The following POGZ variants were observed in gnomAD, a reference collection of about 807,000 sequenced individuals.
POGZ encodes the protein pogo transposable element derived with ZNF domain, also known as pogo transposable element with ZNF domain.
A neutral mutation model predicts 134.6 loss-of-function variants in POGZ; 17 were observed. The ratio of observed to expected loss-of-function variants is 0.13; its 90% CI spans 0.09 to 0.19. The LOEUF is 0.19. Ranked by LOEUF, POGZ falls within the 10% of genes least tolerant of loss-of-function variation. POGZ has a pLI of 1.00. For missense variants in POGZ, 1,306 were observed against 1,769.7 expected (o/e 0.74, Z 4.70); for synonymous variants, 693 against 657.1 (o/e 1.05, Z -0.84).
chr1:151,415,323 A>C (rs962508043), intron 10 of POGZ, among the ~76,000 whole-genome samples: 3 of 152,150 alleles, frequency 2.0e-5, no homozygotes, highest in Non-Finnish European at 4.4e-5. Context: ...CTTTAATGAG[A>C]TGCTCAGGAA....
At position 151,404,049 on chromosome 1, in the gene POGZ, TTGG is replaced by T; in HGVS notation, c.*750_*752del. ...CAAAAAATATTGTTTATGTCATGTT[TTGG>T]AGGGAAGGTGGTGAGGAAAAGACAA... On this transcript the variant is annotated 3_prime_UTR_variant, in exon 19 of 19. Transcript: ENST00000271715. The T allele has an allele frequency of 1.0e-6, 1 of 985,464 alleles. No homozygotes were observed. The highest frequency in any genetic ancestry group is 1.2e-6 in the Non-Finnish European group (1 of 829,914). 61.0% of individuals were successfully genotyped at this position (985,464 alleles called of 1,614,324 possible).
chr1:151,419,806 G>A (rs1656574821), intron 10 of POGZ, among the ~76,000 whole-genome samples: 1 of 150,944 alleles, frequency 6.6e-6, no homozygotes, highest in African/African-American at 2.4e-5. Context: ...ATAAAATCTT[G>A]TCATAAGAGA....
In POGZ at chr1:151,408,358, A is replaced by C. The variant is rs759359322; in HGVS notation, c.2234+51T>G. The stretch of plus-strand genomic sequence containing the variant: ...CAGATTGCACTGTGTATCAGGAATA[A>C]TCCTGGCCACCCAGTCCCCACCCGC... On this transcript the variant is annotated intron_variant, in intron 14 of 18. Transcript: ENST00000271715. The C allele has an allele frequency of 1.2e-5, 18 of 1,560,106 alleles. No individual in the cohort carries two copies. The South Asian group carries it at 2.0e-4, about 18-fold the overall frequency.
intron 15 of POGZ, among the ~76,000 whole-genome samples, chr1:151,407,675 ACATATTAGAAG>A (rs1398322774): frequency 6.6e-6 from 1 of 152,204 alleles, no homozygotes; most frequent in Non-Finnish European, 1.5e-5. Flanking sequence ...GAAGGAGGAA[ACATATTAGAAG>A]CAGGGGAGAA....
intron 1 of POGZ, among the ~76,000 whole-genome samples, chr1:151,449,564 A>G (rs189813925): frequency 3.3e-5 from 5 of 152,306 alleles, no homozygotes. Context: ...ATCATCCCAC[A>G]TTCTATACAT....
chr1:151,456,283 A>C (rs906109226), intron 1 of POGZ, among the ~76,000 whole-genome samples: 3 of 152,182 alleles, frequency 2.0e-5, no homozygotes, highest in Admixed American at 6.6e-5. Flanking sequence ...TTAACCACTG[A>C]TATCATAAGG....
chr1:151,422,478 T>C (rs1363991163), intron 10 of POGZ, among the ~76,000 whole-genome samples: 1 of 152,240 alleles, frequency 6.6e-6, no homozygotes, highest in Non-Finnish European at 1.5e-5. Flanking sequence ...CTCAATTTCT[T>C]TGAGCTTATG....
chr1:151,421,151 C>T (rs1026232388), intron 10 of POGZ, among the ~76,000 whole-genome samples: 3 of 151,984 alleles, frequency 2.0e-5, no homozygotes, highest in South Asian at 4.1e-4. Context: ...TTGTACTGCA[C>T]TCACCTAGTT....
chr1:151,450,533 T>G (rs987566172), intron 1 of POGZ, among the ~76,000 whole-genome samples: 2 of 151,802 alleles, frequency 1.3e-5, no homozygotes, highest in Non-Finnish European at 2.9e-5. Context: ...TTGTATTTTC[T>G]ATAAAGCTAG....
At chr1:151,443,142 G>C (rs1036633824) in intron 1 of POGZ, among the ~76,000 whole-genome samples, 8 of 152,186 alleles carry the variant, frequency 5.3e-5, no homozygotes, top group African/African-American at 1.9e-4. Context: ...ATTTAAAATA[G>C]ATATTCTGTT....
intron 3 of POGZ, among the ~76,000 whole-genome samples, chr1:151,434,203 G>A (rs753685414): frequency 2.6e-5 from 4 of 152,182 alleles, no homozygotes; most frequent in Non-Finnish European, 5.9e-5. Flanking sequence ...CCAGCTACCT[G>A]AGTGACTGAG....
rs150357170 is a variant in POGZ at position 151,426,703 on chromosome 1, G to A, written c.1078+1120C>T. 7.3e-3 allele frequency: 1,113 copies of A among 151,474 alleles called. 13 individuals are homozygous for A. The highest frequency in any genetic ancestry group is 0.025 in the African/African-American group (1,043 of 41,318). 9.4% of individuals were successfully genotyped at this position (151,474 alleles called of 1,614,324 possible). A position where few individuals can be genotyped will look rare whatever the true frequency, so the allele number is the denominator to read the frequency against. On this transcript the variant is annotated intron_variant, in intron 7 of 18. Transcript: ENST00000271715. ...TAATTTACTCATTTTTTCTTTTCTT[G>A]CGTATGCTTTTGGTGTCATATCCAA...
At chr1:151,446,710 C>T (rs964146086) in intron 1 of POGZ, among the ~76,000 whole-genome samples, 1 of 131,298 alleles carries the variant, frequency 7.6e-6, no homozygotes, top group Non-Finnish European at 1.5e-5. Flanking sequence ...GAGCTGAGAT[C>T]GTGCCACTGC....
rs904576536 is a variant in POGZ, at chr1:151,408,963, G to C, written c.1927-135C>G. ...TTCTGTTGATAATTTAAGAGAGTAA[G>C]AAAGAAATATGCAACATGACCACAA... On this transcript the variant is annotated intron_variant, in intron 12 of 18. Coordinates refer to ENST00000271715, the MANE Select transcript of POGZ (RefSeq NM_015100.4). The C allele has an allele frequency of 6.4e-6, 5 of 778,274 alleles. No individual in the cohort carries two copies. The African/African-American group carries it at 8.7e-5, about 13-fold the overall frequency. The allele number at this position is 778,274 out of a possible 1,614,324, so 48.2% of individuals were successfully genotyped here.
At chr1:151,429,155 TA>T (rs778483881) in intron 5 of POGZ, among the ~76,000 whole-genome samples, 6,217 of 146,614 alleles carry the variant, frequency 0.042, 169 homozygotes, top group Non-Finnish European at 0.068. Context: ...AGCAGAATCT[TA>T]AAAAAAAAAA....
chr1:151,406,779 G>T, intron 17 of POGZ, 132 bp downstream of exon 17: 2 of 970,938 alleles, frequency 2.1e-6, no homozygotes, highest in Non-Finnish European at 3.2e-6. Context: ...AGGTCGGAAG[G>T]TTTCTAATTA....
At chr1:151,408,059 C>T in intron 15 of POGZ, 41 bp downstream of exon 15, 16 of 1,342,646 alleles carry the variant, frequency 1.2e-5, no homozygotes, top group Non-Finnish European at 1.5e-5. Context: ...AAAAAAGAAT[C>T]TGAACTCTCA....
Position 151,403,190 on chromosome 1 carries a change from G to C in POGZ, c.*1612C>G. 2 of 984,374 alleles carry C rather than the reference G, an allele frequency of 2.0e-6. No individual in the cohort carries two copies. The highest frequency in any genetic ancestry group is 2.4e-6 in the Non-Finnish European group (2 of 828,620). 61.0% of individuals were successfully genotyped at this position (984,374 alleles called of 1,614,324 possible). Reference sequence around the variant, plus strand: ...CTTTTCCAGTTCACTATATTATAGTGTGCTGGGGGATGAAAAAACAAACAA... The same window carrying C: ...CTTTTCCAGTTCACTATATTATAGTCTGCTGGGGGATGAAAAAACAAACAA... On this transcript the variant is annotated 3_prime_UTR_variant, in exon 19 of 19. Coordinates refer to ENST00000271715, the MANE Select transcript of POGZ (RefSeq NM_015100.4).
rs187527099 is a variant in POGZ at position 151,444,164 on chromosome 1, A to G, written c.-1-1959T>C. 7.0e-4 allele frequency among the ~76,000 whole-genome samples: 107 copies of G among 152,284 alleles called. 1 individual carries two copies. Among genetic ancestry groups the G allele is most frequent in the Non-Finnish European group, 1.1e-3 (78 of 68,012 alleles). ...GATTCTAACTGGTCTTTAATCTTCTATTTTAATTATTTCTGTCTTTCTAAA... is the reference window on the plus strand; with the variant it reads ...GATTCTAACTGGTCTTTAATCTTCTGTTTTAATTATTTCTGTCTTTCTAAA... On this transcript the variant is annotated intron_variant, in intron 1 of 18. Coordinates refer to ENST00000271715, the MANE Select transcript of POGZ (RefSeq NM_015100.4).
Sources: allele counts gnomAD v4.1 joint callset (sites outside exome capture counted in the v4.1 genomes callset), GRCh38; gene constraint gnomAD v4.1.1; transcripts MANE v1.5; gene names NCBI Gene and HGNC (gene_info 2026-07-23, HGNC 2026-07-21).